The following CORO2B variants were observed in gnomAD, a reference collection of about 807,000 sequenced individuals.
The protein encoded by CORO2B is coronin 2B.
A neutral mutation model predicts 58.8 loss-of-function variants in CORO2B; 26 were observed. The ratio of observed to expected loss-of-function variants is 0.44; its 90% CI spans 0.32 to 0.61. The LOEUF is 0.61. CORO2B is among the 20% of genes least tolerant of loss of function. CORO2B has a pLI of 0.04. For missense variants in CORO2B, 460 were observed against 645.1 expected, an observed-to-expected ratio of 0.71 and a Z score of 3.11; for synonymous variants, 242 against 253.8, an observed-to-expected ratio of 0.95 and a Z score of 0.44.
intron 8 of CORO2B, 28 bp downstream of exon 8, chr15:68,715,339 G>A: frequency 1.3e-6 from 2 of 1,531,026 alleles, no homozygotes; most frequent in Non-Finnish European, 1.8e-6. Context: ...TGCCACAGCT[G>A]GTGTGCTCAT....
At chr15:68,684,543 G>A (rs8033246) in intron 2 of CORO2B, among the ~76,000 whole-genome samples, 28,603 of 152,168 alleles carry the variant, frequency 0.19, 3,130 homozygotes, top group Non-Finnish European at 0.24. Context: ...TGTATGTTGC[G>A]GACAGTCACT....
At chr15:68,662,937 T>G (rs1185721337) in intron 2 of CORO2B, among the ~76,000 whole-genome samples, 1 of 152,200 alleles carries the variant, frequency 6.6e-6, no homozygotes, top group Non-Finnish European at 1.5e-5. Flanking sequence ...TTAATTTTTT[T>G]TTTCCTAAAC....
At chr15:68,593,107 C>G (rs994577565) in intron 1 of CORO2B, among the ~76,000 whole-genome samples, 1 of 152,164 alleles carries the variant, frequency 6.6e-6, no homozygotes, top group Non-Finnish European at 1.5e-5. Flanking sequence ...ATTCTTTCAT[C>G]AGGAGCCCAC....
In CORO2B at chr15:68,710,557, G is replaced by A. The variant is rs956146463; in HGVS notation, c.334-175G>A. Among the ~76,000 whole-genome samples, 1 of 152,190 alleles carries A rather than the reference G, an allele frequency of 6.6e-6. No individual in the cohort carries two copies. The highest frequency in any genetic ancestry group is 2.4e-5 in the African/African-American group (1 of 41,442). ...AGAGAGATGGTCTCCTTCCTCTCCA[G>A]CCACACCCTGAGACCTCCCAGCAGG... On this transcript the variant is annotated intron_variant, in intron 3 of 11. Transcript: ENST00000261861. The surrounding 1 kb of genome is among the most constrained non-coding windows in gnomAD (Gnocchi z 4.1).
chr15:68,532,283 A>G, the CORO2B span, among the ~76,000 whole-genome samples: 1 of 152,012 alleles, frequency 6.6e-6, no homozygotes, highest in Non-Finnish European at 1.5e-5. Context: ...TTAGCTACGT[A>G]TGTATTAGAC....
At chr15:68,569,990 G>A in the CORO2B span, among the ~76,000 whole-genome samples, 1 of 152,188 alleles carries the variant, frequency 6.6e-6, no homozygotes, top group African/African-American at 2.4e-5. Context: ...TGGGGTCTGT[G>A]GCCTTGGGAA....
chr15:68,638,401 G>A (rs1418434795), intron 1 of CORO2B, among the ~76,000 whole-genome samples: 2 of 152,232 alleles, frequency 1.3e-5, no homozygotes, highest in Non-Finnish European at 2.9e-5. Flanking sequence ...CCAGTGAGCT[G>A]GATGACATTA....
chr15:68,675,939 G>T (rs1487373101), intron 2 of CORO2B, among the ~76,000 whole-genome samples: 1 of 151,794 alleles, frequency 6.6e-6, no homozygotes, highest in African/African-American at 2.4e-5. Context: ...GGATTATAGG[G>T]TATAATATAG....
chr15:68,688,611 C>T (rs1431033219), intron 2 of CORO2B, among the ~76,000 whole-genome samples: 2 of 152,096 alleles, frequency 1.3e-5, no homozygotes, highest in African/African-American at 2.4e-5. Flanking sequence ...TTTTACTAAG[C>T]GTAGATCTTT....
At chr15:68,568,308 T>C in the CORO2B span, among the ~76,000 whole-genome samples, 15 of 150,048 alleles carry the variant, frequency 1.0e-4, no homozygotes, top group Non-Finnish European at 5.9e-5. Flanking sequence ...TTCTCATCTG[T>C]AAAGTCGGAG....
intron 2 of CORO2B, among the ~76,000 whole-genome samples, chr15:68,692,125 G>A (rs1263121962): frequency 1.3e-5 from 2 of 152,214 alleles, no homozygotes; most frequent in African/African-American, 2.4e-5. Flanking sequence ...AATCACACCT[G>A]TGTGGAAATC....
chr15:68,524,145 G>A, the CORO2B span, among the ~76,000 whole-genome samples: 1 of 152,098 alleles, frequency 6.6e-6, no homozygotes, highest in East Asian at 1.9e-4. Context: ...AGGACCGCTT[G>A]AGCCCAGGAG....
intron 2 of CORO2B, among the ~76,000 whole-genome samples, chr15:68,674,140 T>G (rs1902494670): frequency 6.6e-6 from 1 of 152,150 alleles, no homozygotes; most frequent in Non-Finnish European, 1.5e-5. Context: ...CCACAGAGTC[T>G]AAGAGCTTGG....
chr15:68,531,457 G>T, the CORO2B span, among the ~76,000 whole-genome samples: 44 of 151,236 alleles, frequency 2.9e-4, no homozygotes, highest in African/African-American at 1.1e-3. Context: ...AGATCATGCC[G>T]CTGCACTCCA....
chr15:68,519,441 C>G, the CORO2B span, among the ~76,000 whole-genome samples: 1 of 152,174 alleles, frequency 6.6e-6, no homozygotes, highest in Non-Finnish European at 1.5e-5. Flanking sequence ...AACCCCAAAG[C>G]TCTAGGCAGT....
chr15:68,539,770 C>T, the CORO2B span, among the ~76,000 whole-genome samples: 1 of 152,110 alleles, frequency 6.6e-6, no homozygotes, highest in Non-Finnish European at 1.5e-5. Flanking sequence ...ATTATGTATT[C>T]ACATATTTTA....
intron 3 of CORO2B, among the ~76,000 whole-genome samples, chr15:68,700,655 G>C (rs548210178): frequency 4.6e-5 from 7 of 152,180 alleles, no homozygotes; most frequent in Non-Finnish European, 1.0e-4. Context: ...AGTTCTTTCC[G>C]CTGCTGGGTG....
intron 1 of CORO2B, among the ~76,000 whole-genome samples, chr15:68,620,693 A>G (rs1443590907): frequency 6.6e-6 from 1 of 151,986 alleles, no homozygotes; most frequent in African/African-American, 2.4e-5. Context: ...TCAAGCAGCT[A>G]TAGTAGGGTA....
intron 8 of CORO2B, 132 bp from the exon 9 acceptor site, chr15:68,718,566 C>A: frequency 1.4e-6 from 1 of 725,880 alleles, no homozygotes; most frequent in Non-Finnish European, 2.4e-6. Flanking sequence ...TACCCCCTGC[C>A]CTCTGCATGG....
Sources: gnomAD v4.1 joint callset for allele counts (sites outside exome capture counted in the v4.1 genomes callset) on GRCh38, gnomAD v4.1.1 for gene constraint, Gnocchi (gnomAD v3.1) non-coding constraint, MANE v1.5 for transcripts, NCBI Gene and HGNC (gene_info 2026-07-23, HGNC 2026-07-21) for gene names.